Variants in CFAP92 observed in about 807,000 individuals in gnomAD.
CFAP92 encodes cilia and flagella associated protein 92 (putative), also known as uncharacterized protein CFAP92.
A neutral mutation model predicts 106.3 loss-of-function variants in CFAP92; 86 were observed. The observed-to-expected ratio is 0.81, with a 90% confidence interval of 0.68 to 0.97. The LOEUF is 0.97. Among genes scored for constraint, CFAP92 ranks in the 50% least tolerant of loss-of-function variants. CFAP92 has a pLI of 0.00. For synonymous variants in CFAP92, 477 were observed against 506.4 expected, an observed-to-expected ratio of 0.94 and a Z score of 0.78; for missense variants, 1,204 against 1,283.8, an observed-to-expected ratio of 0.94 and a Z score of 0.95.
intron 1 of CFAP92, chr3:129,001,957 C>G: frequency 6.5e-7 from 1 of 1,544,144 alleles, no homozygotes; most frequent in Non-Finnish European, 8.7e-7. Flanking sequence ...GATGTGACCC[C>G]CGGGGATGCG....
chr3:128,962,785 T>G (rs546173346), intron 9 of CFAP92, among the ~76,000 whole-genome samples: 1 of 152,110 alleles, frequency 6.6e-6, no homozygotes, highest in East Asian at 1.9e-4. Flanking sequence ...TCCTTACCAT[T>G]CCCCCATTTT....
intron 12 of CFAP92, among the ~76,000 whole-genome samples, chr3:128,927,854 A>G (rs564606022): frequency 2.6e-5 from 4 of 152,240 alleles, no homozygotes; most frequent in African/African-American, 9.6e-5. Context: ...GAAATCTCTG[A>G]GGAAAACTGA....
chr3:128,939,583 C>G (rs1157782594), intron 10 of CFAP92, among the ~76,000 whole-genome samples: 1 of 152,030 alleles, frequency 6.6e-6, no homozygotes, highest in Non-Finnish European at 1.5e-5. Context: ...AAAAAGAAAC[C>G]CCACACCCCT....
Position 128,912,828 on chromosome 3 carries a change from CGG to C in CFAP92, c.3280+2289_3280+2290del, listed in dbSNP as rs1491111282. On this transcript the variant is annotated intron_variant, in intron 15 of 15. Coordinates refer to ENST00000645291, the MANE Select transcript of CFAP92 (RefSeq NM_001394090.1). Reference sequence around the variant, plus strand: ...GACCATCACAGCTTCTGAACTGAGCCGGAGAGAGAGAATGGAATTGCTGACCC... The same window carrying C: ...GACCATCACAGCTTCTGAACTGAGCCAGAGAGAGAATGGAATTGCTGACCC... The C allele has an allele frequency of 4.8e-4, 334 of 699,162 alleles. 1 individual carries two copies. Among genetic ancestry groups the C allele is most frequent in the Non-Finnish European group, 8.1e-4 (305 of 376,638 alleles). 43.3% of individuals were successfully genotyped at this position (699,162 alleles called of 1,614,324 possible).
intron 10 of CFAP92, among the ~76,000 whole-genome samples, chr3:128,940,392 T>C (rs1939507057): frequency 6.6e-6 from 1 of 152,206 alleles, no homozygotes; most frequent in Admixed American, 6.5e-5. Flanking sequence ...GTTTAATCAC[T>C]TGAGGAACTG....
intron 11 of CFAP92, among the ~76,000 whole-genome samples, chr3:128,934,749 T>G (rs1303412556): frequency 6.6e-6 from 1 of 152,198 alleles, no homozygotes; most frequent in Non-Finnish European, 1.5e-5. Flanking sequence ...TAGGCTGGTC[T>G]CAAACTCCGG....
the CFAP92 span, among the ~76,000 whole-genome samples, chr3:129,011,191 G>A: frequency 6.6e-6 from 1 of 152,234 alleles, no homozygotes; most frequent in East Asian, 1.9e-4. Flanking sequence ...ACTTCATGGA[G>A]TATTTGAAGA....
chr3:128,994,128 A>G (rs1367063874), upstream of CFAP92: 5 of 985,634 alleles, frequency 5.1e-6, no homozygotes, highest in African/African-American at 5.2e-5. Flanking sequence ...CCACTCAGCT[A>G]CGTTTGGCGG....
chr3:128,979,152 C>G (rs1943356950), intron 4 of CFAP92, among the ~76,000 whole-genome samples: 1 of 152,356 alleles, frequency 6.6e-6, no homozygotes, highest in East Asian at 1.9e-4. Context: ...TGAACAGACA[C>G]TTCTCAAAAG....
At chr3:129,015,572 G>T in the CFAP92 span, among the ~76,000 whole-genome samples, 1 of 114,436 alleles carries the variant, frequency 8.7e-6, no homozygotes, top group Admixed American at 8.8e-5. Flanking sequence ...AGCCCAGGCT[G>T]ACACCCTGCA....
At chr3:128,943,330 CTG>C (rs1939848361) in intron 10 of CFAP92, among the ~76,000 whole-genome samples, 1 of 151,852 alleles carries the variant, frequency 6.6e-6, no homozygotes, top group Non-Finnish European at 1.5e-5. Context: ...AAAGGCAACT[CTG>C]TGCCCACTGG....
chr3:129,006,320 T>C (rs1360489922), upstream of CFAP92, among the ~76,000 whole-genome samples: 1 of 152,160 alleles, frequency 6.6e-6, no homozygotes, highest in African/African-American at 2.4e-5. Context: ...TGTTTTTTGT[T>C]CGTTTGTTTG....
At chr3:128,994,193 CT>C, upstream of CFAP92, 2 of 976,798 alleles carry the variant, frequency 2.0e-6, no homozygotes, top group African/African-American at 1.7e-5. Flanking sequence ...CGGGGCGGGG[CT>C]TTCCCCCTCA....
At chr3:128,966,124 A>G (rs564114354) in intron 8 of CFAP92, among the ~76,000 whole-genome samples, 2 of 152,218 alleles carry the variant, frequency 1.3e-5, no homozygotes, top group African/African-American at 2.4e-5. Context: ...GCTATCCACT[A>G]TGGTAGCTAT....
chr3:129,021,922 C>G, the CFAP92 span, among the ~76,000 whole-genome samples: 2 of 152,040 alleles, frequency 1.3e-5, no homozygotes, highest in African/African-American at 2.4e-5. Context: ...GGGCATATTA[C>G]GTATTCAGCT....
intron 12 of CFAP92, among the ~76,000 whole-genome samples, chr3:128,922,933 T>G (rs1391394028): frequency 6.6e-6 from 1 of 152,206 alleles, no homozygotes; most frequent in Non-Finnish European, 1.5e-5. Flanking sequence ...AGGATAAGCT[T>G]CGATTTGCTC....
intron 4 of CFAP92, among the ~76,000 whole-genome samples, chr3:128,986,193 G>A (rs140867838): frequency 0.01 from 1,576 of 151,730 alleles, 34 homozygotes; most frequent in Non-Finnish European, 1.0e-2. Flanking sequence ...TGCTGACAAC[G>A]ATAATAGTAC....
chr3:128,996,743 C>T (rs1944494925), upstream of CFAP92, among the ~76,000 whole-genome samples: 1 of 152,262 alleles, frequency 6.6e-6, no homozygotes, highest in African/African-American at 2.4e-5. Context: ...ACTCCCTATG[C>T]TGTGCTCAGC....
chr3:128,932,457 T>C (rs192290844), intron 12 of CFAP92, among the ~76,000 whole-genome samples: 3 of 152,138 alleles, frequency 2.0e-5, no homozygotes, highest in South Asian at 2.1e-4. Flanking sequence ...ATATAGCTAA[T>C]AGCATTCCTT....
Sources: allele counts gnomAD v4.1 joint callset (sites outside exome capture counted in the v4.1 genomes callset), GRCh38; gene constraint gnomAD v4.1.1; transcripts MANE v1.5; gene names NCBI Gene and HGNC (gene_info 2026-07-23, HGNC 2026-07-21).